The following GPR139 variants were observed in gnomAD, a reference collection of about 807,000 sequenced individuals.
The protein encoded by GPR139 is G protein-coupled receptor 139.
Under a neutral mutation model 25.8 loss-of-function variants are expected in GPR139, and 12 were observed. The observed-to-expected ratio is 0.47, with a 90% CI of 0.30 to 0.75. The LOEUF is 0.75. Among genes scored for constraint, GPR139 ranks in the 30% least tolerant of loss-of-function variants. GPR139 has a pLI of 0.07. For missense variants in GPR139, 380 were observed against 450.2 expected (o/e 0.84, Z 1.41); for synonymous variants, 184 against 179.9 (o/e 1.02, Z -0.18).
chr16:20,047,622 T>C (rs2057358799), intron 1 of GPR139, among the ~76,000 whole-genome samples: 1 of 152,234 alleles, frequency 6.6e-6, no homozygotes, highest in African/African-American at 2.4e-5. Context: ...ACATGTTTTA[T>C]GGTTCATTTA....
chr16:20,046,028 G>A (rs2057353409), intron 1 of GPR139, among the ~76,000 whole-genome samples: 6 of 152,174 alleles, frequency 3.9e-5, no homozygotes, highest in Admixed American at 3.9e-4. Flanking sequence ...TTGAGGCTCT[G>A]CCTTGGTTGT....
At chr16:20,051,703 A>G (rs2141208899) in intron 1 of GPR139, among the ~76,000 whole-genome samples, 1 of 152,300 alleles carries the variant, frequency 6.6e-6, no homozygotes, top group Middle Eastern at 3.4e-3. Context: ...CCACCTCTGC[A>G]CCCTGGGAGG....
chr16:20,053,501 A>T (rs1270413707), intron 1 of GPR139, among the ~76,000 whole-genome samples: 1 of 152,236 alleles, frequency 6.6e-6, no homozygotes, highest in African/African-American at 2.4e-5. Context: ...CTGTGTTTGC[A>T]GAACTGTAAA....
intron 1 of GPR139, among the ~76,000 whole-genome samples, chr16:20,050,043 T>TG (rs1188312974): frequency 3.2e-4 from 49 of 152,206 alleles, no homozygotes; most frequent in African/African-American, 2.4e-5. Flanking sequence ...TCAGTAAACC[T>TG]GAAGAACCAG....
chr16:20,032,751 A>G, intron 1 of GPR139, 82 bp from the exon 2 acceptor site: 1 of 937,716 alleles, frequency 1.1e-6, no homozygotes, highest in Middle Eastern at 3.2e-4. Flanking sequence ...GCATATGTTT[A>G]TTTTGCACTC....
rs2057289935 is a variant in GPR139, at chr16:20,031,815, A to G, written c.982T>C (p.Ser328Pro). The G allele has an allele frequency of 1.2e-6, 2 of 1,614,224 alleles. No homozygotes were observed. The highest frequency in any genetic ancestry group is 3.3e-5 in the Admixed American group (2 of 60,022). The stretch of plus-strand genomic sequence containing the variant: ...TTGATGCAGTGTGAGTTTGCCGGCG[A>G]GATCCAGGGGCTACTTGTTATGGAA... ...NFSITSSPWISPANSHCIKML... is the reference protein window; with the variant it reads ...NFSITSSPWIPPANSHCIKML... The change falls in exon 2 of 2, where the codon TCG becomes CCG. Residue 328 changes from serine (S) to proline (P), a missense_variant. By Grantham distance (74) the Ser-to-Pro change is moderately conservative. Transcript: ENST00000570682.
chr16:20,064,807 G>A (rs1362091735), intron 1 of GPR139, among the ~76,000 whole-genome samples: 1 of 152,210 alleles, frequency 6.6e-6, no homozygotes, highest in Non-Finnish European at 1.5e-5. Context: ...GGTCTGAGGA[G>A]TACAGAGCCT....
At position 20,029,467 on chromosome 16, in the gene GPR139, TA is replaced by T. The variant is rs1567233314; in HGVS notation, c.*2267del. ...CTAGCATTTTTCAGAGCTACATGTT[TA>T]AAAAATAAATAAATAAATATATATA... On this transcript the variant is annotated 3_prime_UTR_variant, in exon 2 of 2. Coordinates refer to ENST00000570682, the MANE Select transcript of GPR139 (RefSeq NM_001002911.4). 1.5e-5 allele frequency among the ~76,000 whole-genome samples: 1 copy of T among 66,578 alleles called. No homozygotes were observed. Among genetic ancestry groups the T allele is most frequent in the African/African-American group, 5.0e-5 (1 of 19,958 alleles). 43.7% of individuals were successfully genotyped at this position (66,578 alleles called of 152,430 possible). A position where few individuals can be genotyped will look rare whatever the true frequency, so the allele number is the denominator to read the frequency against.
intron 1 of GPR139, among the ~76,000 whole-genome samples, chr16:20,054,593 CTTTTA>C (rs1378371879): frequency 6.6e-6 from 1 of 151,496 alleles, no homozygotes; most frequent in Non-Finnish European, 1.5e-5. Flanking sequence ...TTTTTTTTAA[CTTTTA>C]TTTTAAGTTC....
chr16:20,057,256 C>CT (rs777811896), intron 1 of GPR139, among the ~76,000 whole-genome samples: 27 of 152,150 alleles, frequency 1.8e-4, no homozygotes, highest in Non-Finnish European at 3.2e-4. Context: ...TTCTCGAAGC[C>CT]TTAGTTTCCC....
At chr16:20,034,240 C>G (rs550995320) in intron 1 of GPR139, among the ~76,000 whole-genome samples, 1 of 152,196 alleles carries the variant, frequency 6.6e-6, no homozygotes, top group Admixed American at 6.5e-5. Context: ...CTCTCTGTCT[C>G]TCTTCCTTTC....
chr16:20,061,225 GTGTGGA>G (rs1567239881), intron 1 of GPR139, among the ~76,000 whole-genome samples: 11,581 of 134,026 alleles, frequency 0.086, 571 homozygotes, highest in East Asian at 0.2. Flanking sequence ...ATGGATGGAT[GTGTGGA>G]TGGATGGATG....
chr16:20,067,828 T>C (rs966702601), intron 1 of GPR139, among the ~76,000 whole-genome samples: 15 of 120,856 alleles, frequency 1.2e-4, no homozygotes, highest in South Asian at 2.8e-4. Flanking sequence ...AAAAAAAGCA[T>C]TGGAGTGCCT....
chr16:20,033,861 C>G (rs1417382332), intron 1 of GPR139, among the ~76,000 whole-genome samples: 1 of 151,618 alleles, frequency 6.6e-6, no homozygotes, highest in African/African-American at 2.4e-5. Context: ...AAGTAATTGG[C>G]AAAAACTGCA....
At chr16:20,070,537 C>T (rs1376879362) in intron 1 of GPR139, among the ~76,000 whole-genome samples, 4 of 152,196 alleles carry the variant, frequency 2.6e-5, no homozygotes, top group Non-Finnish European at 5.9e-5. Context: ...ATTAGACTGT[C>T]TGGGGCAATC....
chr16:20,048,959 C>T (rs2057362975), intron 1 of GPR139, among the ~76,000 whole-genome samples: 2 of 152,234 alleles, frequency 1.3e-5, no homozygotes, highest in African/African-American at 2.4e-5. Context: ...GAAATACCTT[C>T]CCCACCCACA....
intron 1 of GPR139, among the ~76,000 whole-genome samples, chr16:20,050,535 C>T (rs529382848): frequency 1.9e-4 from 29 of 152,344 alleles, no homozygotes; most frequent in African/African-American, 6.7e-4. Context: ...GCTAGACTCA[C>T]ATTTCCACCT....
At chr16:20,066,550 AG>A (rs775055376) in intron 1 of GPR139, among the ~76,000 whole-genome samples, 8 of 152,234 alleles carry the variant, frequency 5.3e-5, no homozygotes, top group Non-Finnish European at 1.2e-4. Flanking sequence ...TTCATGGAAA[AG>A]ACCTATGCAC....
chr16:20,033,310 G>T (rs1326999083), intron 1 of GPR139, among the ~76,000 whole-genome samples: 1 of 151,606 alleles, frequency 6.6e-6, no homozygotes, highest in Non-Finnish European at 1.5e-5. Context: ...TGAAGCTGGG[G>T]CTCTGAGAGC....
Sources: gnomAD v4.1 joint callset for allele counts (sites outside exome capture counted in the v4.1 genomes callset) on GRCh38, gnomAD v4.1.1 for gene constraint, MANE v1.5 for transcripts, NCBI Gene and HGNC (gene_info 2026-07-23, HGNC 2026-07-21) for gene names.